ASIC2: variants seen among roughly 807,000 people sequenced by gnomAD.
ASIC2 encodes acid sensing ion channel subunit 2.
A neutral mutation model predicts 57.3 loss-of-function variants in ASIC2; 25 were observed. The ratio of observed to expected loss-of-function variants is 0.44; its 90% CI spans 0.32 to 0.61. The LOEUF is 0.61. Among genes scored for constraint, ASIC2 ranks in the 20% least tolerant of loss-of-function variants. The pLI is 0.06. For missense variants in ASIC2, 641 were observed against 738.1 expected (o/e 0.87, Z 1.52); for synonymous variants, 319 against 307.5 (o/e 1.04, Z -0.39).
chr17:33,893,338 C>T (rs1915012538), intron 1 of ASIC2, among the ~76,000 whole-genome samples: 1 of 152,142 alleles, frequency 6.6e-6, no homozygotes, highest in African/African-American at 2.4e-5. Context: ...CACTTTGGGC[C>T]CTGAGCCTGG....
At position 33,079,012 on chromosome 17, in the gene ASIC2, G is replaced by A. The variant is rs534116421; in HGVS notation, c.987+9851C>T. On this transcript the variant is annotated intron_variant, in intron 3 of 9. Transcript: ENST00000225823. ...CTGGGAAAAGTGATGGTGGGAGCCCGGAGGTAGAATTTGGGCTTTATTTTA... is the reference window on the plus strand; with the variant it reads ...CTGGGAAAAGTGATGGTGGGAGCCCAGAGGTAGAATTTGGGCTTTATTTTA... 9.9e-5 allele frequency among the ~76,000 whole-genome samples: 15 copies of A among 152,264 alleles called. No homozygotes were observed. In the South Asian group the frequency reaches 2.3e-3, roughly 23 times the overall value.
intron 1 of ASIC2, among the ~76,000 whole-genome samples, chr17:33,247,848 T>C (rs765572198): frequency 2.6e-5 from 4 of 152,212 alleles, no homozygotes; most frequent in Admixed American, 6.5e-5. Context: ...TTTAGGTACT[T>C]GGAATAAATC....
At chr17:34,079,421 A>G (rs1048588598) in intron 1 of ASIC2, among the ~76,000 whole-genome samples, 3 of 152,128 alleles carry the variant, frequency 2.0e-5, no homozygotes, top group Non-Finnish European at 4.4e-5. Context: ...TCACCTTTTA[A>G]GTCTCTGCTC....
intron 1 of ASIC2, among the ~76,000 whole-genome samples, chr17:33,751,034 A>G (rs1910413978): frequency 6.6e-6 from 1 of 152,032 alleles, no homozygotes; most frequent in East Asian, 1.9e-4. Context: ...AAATGAAGGG[A>G]GATGGGAGGG....
rs757881490 is a variant in ASIC2 at position 33,464,670 on chromosome 17, C to CCTCT, written c.556-352607_556-352604dup. On this transcript the variant is annotated intron_variant, in intron 1 of 9. Transcript: ENST00000359872. Reference sequence around the variant, plus strand: ...TTCCTTTCTTCCTTCTCTCTCTCTCCCTCTCTCTCTCTCTCTCTATATATA... The same window carrying CCTCT: ...TTCCTTTCTTCCTTCTCTCTCTCTCCCTCTCTCTCTCTCTCTCTCTCTATATATA... Among the ~76,000 whole-genome samples, 826 of 122,736 alleles carry CCTCT rather than the reference C, an allele frequency of 6.7e-3. 8 individuals carry two copies. Among genetic ancestry groups the CCTCT allele is most frequent in the South Asian group, 0.027 (95 of 3,484 alleles). 80.5% of individuals were successfully genotyped at this position (122,736 alleles called of 152,430 possible). A position where few individuals can be genotyped will look rare whatever the true frequency, so the allele number is the denominator to read the frequency against.
intron 1 of ASIC2, among the ~76,000 whole-genome samples, chr17:33,706,229 A>G (rs1313365387): frequency 3.3e-5 from 4 of 121,886 alleles, no homozygotes; most frequent in African/African-American, 1.3e-4. Context: ...ATATATATAT[A>G]TGTATATTTT....
At chr17:34,086,773 G>C (rs1910127032) in intron 1 of ASIC2, among the ~76,000 whole-genome samples, 1 of 152,200 alleles carries the variant, frequency 6.6e-6, no homozygotes, top group African/African-American at 2.4e-5. Context: ...TTGTTGAATT[G>C]ATCCCTTTCC....
At chr17:33,056,243 G>T (rs146528788) in intron 3 of ASIC2, among the ~76,000 whole-genome samples, 6 of 152,182 alleles carry the variant, frequency 3.9e-5, no homozygotes, top group African/African-American at 1.4e-4. Flanking sequence ...GTAGCCACAG[G>T]TGGACACACC....
At chr17:34,042,217 CTCACA>C (rs1307345790) in intron 1 of ASIC2, among the ~76,000 whole-genome samples, 1 of 152,134 alleles carries the variant, frequency 6.6e-6, no homozygotes, top group Admixed American at 6.5e-5. Flanking sequence ...GCCCTTTCAC[CTCACA>C]TATTTACCTA....
chr17:33,243,217 A>G (rs760529567), intron 1 of ASIC2, among the ~76,000 whole-genome samples: 3 of 152,242 alleles, frequency 2.0e-5, no homozygotes, highest in Admixed American at 6.5e-5. Flanking sequence ...TTATTAGAAT[A>G]AGTGTAACTA....
In ASIC2 at chr17:33,303,323, G is replaced by A. The variant is rs1041850441; in HGVS notation, c.556-191256C>T. On this transcript the variant is annotated intron_variant, in intron 1 of 9. Coordinates refer to the ASIC2 transcript ENST00000359872. ...TGAAGTGGGTTCTCAGTAATCTGCTGTAGATCTGGGAGCTATGTTTTTCCG... is the reference window on the plus strand; with the variant it reads ...TGAAGTGGGTTCTCAGTAATCTGCTATAGATCTGGGAGCTATGTTTTTCCG... Among the ~76,000 whole-genome samples, 9 of 152,204 alleles carry A rather than the reference G, an allele frequency of 5.9e-5. No individual in the cohort carries two copies. In the East Asian group the frequency reaches 1.7e-3, roughly 29 times the overall value.
intron 1 of ASIC2, among the ~76,000 whole-genome samples, chr17:33,901,088 T>C (rs1251078694): frequency 6.6e-6 from 1 of 152,188 alleles, no homozygotes; most frequent in Non-Finnish European, 1.5e-5. Flanking sequence ...GACAAAGTCC[T>C]CCCTTTTGTG....
At chr17:33,610,325 T>C (rs2142015101) in intron 1 of ASIC2, among the ~76,000 whole-genome samples, 1 of 152,184 alleles carries the variant, frequency 6.6e-6, no homozygotes, top group Admixed American at 6.5e-5. Context: ...GCCTGGCTTT[T>C]TTTGTATTTA....
Position 33,814,094 on chromosome 17 carries a change from C to T in ASIC2, c.555+341884G>A, listed in dbSNP as rs546347700. On this transcript the variant is annotated intron_variant, in intron 1 of 9. Transcript: ENST00000359872. ...ACTTGCATGGAGAAATGAGTTTCTC[C>T]ATGCCCAGGGGTAGGAGAGTAGTGG... 1.7e-4 allele frequency among the ~76,000 whole-genome samples: 26 copies of T among 152,172 alleles called. No homozygotes were observed. In the South Asian group the frequency reaches 5.0e-3, roughly 29 times the overall value.
chr17:33,928,793 G>T (rs544672030), intron 1 of ASIC2, among the ~76,000 whole-genome samples: 2 of 152,270 alleles, frequency 1.3e-5, no homozygotes, highest in South Asian at 4.1e-4. Flanking sequence ...AGGAGGGGAT[G>T]TCAGGGGAGA....
At chr17:33,473,861 C>A (rs561832769) in intron 1 of ASIC2, among the ~76,000 whole-genome samples, 2 of 151,768 alleles carry the variant, frequency 1.3e-5, no homozygotes, top group Admixed American at 6.6e-5. Context: ...GTCCACCCCC[C>A]ATCACGTACC....
At chr17:33,847,824 G>A (rs962829273) in intron 1 of ASIC2, among the ~76,000 whole-genome samples, 2 of 152,178 alleles carry the variant, frequency 1.3e-5, no homozygotes, top group African/African-American at 4.8e-5. Context: ...AGCCTGGGAA[G>A]CCTTCAAGGA....
At chr17:33,413,745 T>G (rs1243902133) in intron 1 of ASIC2, among the ~76,000 whole-genome samples, 1 of 152,250 alleles carries the variant, frequency 6.6e-6, no homozygotes, top group East Asian at 1.9e-4. Context: ...AGCTCTCAGC[T>G]CAAATATTCT....
chr17:33,660,084 AAAAAC>A (rs1597824929), intron 1 of ASIC2, among the ~76,000 whole-genome samples: 1 of 151,862 alleles, frequency 6.6e-6, no homozygotes, highest in East Asian at 1.9e-4. Flanking sequence ...CTCTGTCGCA[AAAAAC>A]AAAACGAAAC....
Sources: allele counts gnomAD v4.1 joint callset (sites outside exome capture counted in the v4.1 genomes callset), GRCh38; gene constraint gnomAD v4.1.1; transcripts MANE v1.5; gene names NCBI Gene and HGNC (gene_info 2026-07-23, HGNC 2026-07-21).